The following CDS1 variants were observed in gnomAD, a reference collection of about 807,000 sequenced individuals.
CDS1 encodes the protein phosphatidate cytidylyltransferase 1.
CDS1 carries 41 observed loss-of-function variants against 62.1 expected under a neutral mutation model. The ratio of observed to expected loss-of-function variants is 0.66; its 90% CI spans 0.51 to 0.86. The LOEUF (loss-of-function observed/expected upper bound fraction) is 0.86, where lower values mean the gene tolerates loss of function less well. CDS1 is among the 40% of genes least tolerant of loss of function. CDS1 has a pLI of 0.00. For missense variants in CDS1, 470 were observed against 550.1 expected (o/e 0.85, Z 1.46); for synonymous variants, 185 against 192.6 (o/e 0.96, Z 0.32).
At chr4:84,611,852 C>T (rs944773866) in intron 3 of CDS1, among the ~76,000 whole-genome samples, 2 of 152,036 alleles carry the variant, frequency 1.3e-5, no homozygotes, top group Non-Finnish European at 2.9e-5. Flanking sequence ...GGAAGAGGCC[C>T]CCAGCTCCCA....
At chr4:84,593,164 A>C (rs545404348) in intron 1 of CDS1, among the ~76,000 whole-genome samples, 42 of 152,312 alleles carry the variant, frequency 2.8e-4, no homozygotes, top group African/African-American at 9.9e-4. Flanking sequence ...ATTCATGTAG[A>C]GTTCAATGTA....
rs1722456213 is a variant in CDS1 at position 84,587,536 on chromosome 4, A to G, written c.117+4018A>G. On this transcript the variant is annotated intron_variant, in intron 1 of 12. Transcript: ENST00000295887. Reference sequence around the variant, plus strand: ...GTCAGTGAAGCCAAGATTGAAGTGGATGACCACAGATTCAGGTCGGCAGGG... The same window carrying G: ...GTCAGTGAAGCCAAGATTGAAGTGGGTGACCACAGATTCAGGTCGGCAGGG... 3.3e-5 allele frequency among the ~76,000 whole-genome samples: 5 copies of G among 152,200 alleles called. No individual in the cohort carries two copies. In the South Asian group the frequency reaches 1.0e-3, roughly 31 times the overall value.
chr4:84,604,207 G>A (rs748168749), intron 1 of CDS1, 36 bp from the exon 2 acceptor site: 15 of 1,589,116 alleles, frequency 9.4e-6, no homozygotes, highest in African/African-American at 4.1e-5. Context: ...TTTTTTAAAC[G>A]TGATTTTGCA....
At chr4:84,608,772 G>T (rs905361758) in intron 2 of CDS1, among the ~76,000 whole-genome samples, 2 of 151,944 alleles carry the variant, frequency 1.3e-5, no homozygotes, top group Non-Finnish European at 2.9e-5. Flanking sequence ...TTTGTACCTG[G>T]CTCGTTCTTC....
intron 5 of CDS1, among the ~76,000 whole-genome samples, chr4:84,621,064 A>G (rs918688871): frequency 6.6e-5 from 10 of 152,220 alleles, no homozygotes; most frequent in Non-Finnish European, 1.5e-4. Flanking sequence ...CCATCTCAAA[A>G]AGCAAACAAA....
chr4:84,645,418 G>A, intron 12 of CDS1, 93 bp downstream of exon 12: 1 of 748,208 alleles, frequency 1.3e-6, no homozygotes, highest in South Asian at 1.6e-5. Flanking sequence ...TTCCGTCAAT[G>A]GTAATCTACA....
chr4:84,633,681 C>A (rs916768898), intron 6 of CDS1, among the ~76,000 whole-genome samples, 176 bp from the exon 7 acceptor site: 10 of 152,190 alleles, frequency 6.6e-5, no homozygotes, highest in Non-Finnish European at 1.0e-4. Context: ...TTTTAAGGTT[C>A]CAGTAGGCAA....
chr4:84,618,903 G>A (rs1224584216), intron 4 of CDS1, among the ~76,000 whole-genome samples: 2 of 152,136 alleles, frequency 1.3e-5, no homozygotes, highest in African/African-American at 4.8e-5. Flanking sequence ...TTAGAGCTGT[G>A]AGTAGTTACG....
chr4:84,633,488 G>T (rs1724086100), intron 6 of CDS1, among the ~76,000 whole-genome samples: 1 of 152,218 alleles, frequency 6.6e-6, no homozygotes, highest in African/African-American at 2.4e-5. Flanking sequence ...ACTGCAGAAT[G>T]CAGCCAGAGT....
intron 1 of CDS1, among the ~76,000 whole-genome samples, chr4:84,587,149 C>G (rs2110030677): frequency 1.3e-5 from 2 of 152,202 alleles, no homozygotes. Flanking sequence ...AGTAGGAACT[C>G]AGAACCAATG....
At chr4:84,625,217 C>T (rs1207681230) in intron 5 of CDS1, among the ~76,000 whole-genome samples, 2 of 152,042 alleles carry the variant, frequency 1.3e-5, no homozygotes, top group African/African-American at 4.8e-5. Context: ...CATGTTTTAC[C>T]ATTTCTTATT....
At chr4:84,616,948 G>A (rs1578035267) in intron 3 of CDS1, among the ~76,000 whole-genome samples, 1 of 152,296 alleles carries the variant, frequency 6.6e-6, no homozygotes, top group African/African-American at 2.4e-5. Context: ...CTGCAAATGT[G>A]GAAGGTTGCT....
chr4:84,617,459 G>A (rs964263195), intron 3 of CDS1, 105 bp from the exon 4 acceptor site: 2 of 636,354 alleles, frequency 3.1e-6, no homozygotes, highest in African/African-American at 3.8e-5. Flanking sequence ...TTAAACATTG[G>A]TAGATTAAGA....
chr4:84,633,160 A>T (rs1451482469), intron 6 of CDS1, among the ~76,000 whole-genome samples: 2 of 152,186 alleles, frequency 1.3e-5, no homozygotes, highest in African/African-American at 4.8e-5. Context: ...TCAAAATCTT[A>T]AGAATTTTTA....
chr4:84,624,331 T>C (rs1723790493), intron 5 of CDS1, among the ~76,000 whole-genome samples: 1 of 144,506 alleles, frequency 6.9e-6, no homozygotes, highest in South Asian at 2.2e-4. Context: ...AATGAAAATA[T>C]ATGCCCATGA....
Position 84,638,871 on chromosome 4 carries a change from T to TATA in CDS1, c.811-53_811-52insATA, listed in dbSNP as rs1167295964. 89 of 498,326 alleles carry TATA rather than the reference T, an allele frequency of 1.8e-4. 1 individual carries two copies. Among genetic ancestry groups the TATA allele is most frequent in the African/African-American group, 6.5e-4 (32 of 48,886 alleles). The allele number at this position is 498,326 out of a possible 1,614,324, so 30.9% of individuals were successfully genotyped here. The stretch of plus-strand genomic sequence containing the variant: ...TTTATATATATATATATATATATAT[T>TATA]GTGAGTTTTGTGAGTGCAGTAAAGC... On this transcript the variant is annotated intron_variant, in intron 8 of 12. Transcript: ENST00000295887.
chr4:84,640,713 CAA>C (rs1724352403), intron 9 of CDS1, 123 bp from the exon 10 acceptor site: 1 of 706,648 alleles, frequency 1.4e-6, no homozygotes, highest in African/African-American at 1.8e-5. Context: ...AATATTAAGA[CAA>C]AGAAATTCTG....
At chr4:84,635,621 G>GCCTGCCTGCCTGCCTT (rs1724168252) in intron 8 of CDS1, among the ~76,000 whole-genome samples, 6 of 84,842 alleles carry the variant, frequency 7.1e-5, no homozygotes, top group East Asian at 1.1e-3. Flanking sequence ...CTGCCTGCCT[G>GCCTGCCTGCCTGCCTT]CCTGCCTTCC....
chr4:84,645,218 A>G lies in CDS1; in HGVS notation c.1153-4A>G, dbSNP rs1365969681. 3 of 1,594,394 alleles carry G rather than the reference A, an allele frequency of 1.9e-6. No individual in the cohort carries two copies. In the South Asian group the frequency reaches 3.3e-5, roughly 18 times the overall value. ...TTTGCTAATATATTTGTTTGTTTCT[A>G]AAGGATTTTGCAAATACCATTCCTG... On this transcript the variant is annotated splice_polypyrimidine_tract_variant and splice_region_variant and intron_variant, in intron 11 of 12. Transcript: ENST00000295887.
Sources: gnomAD v4.1 joint callset for allele counts (sites outside exome capture counted in the v4.1 genomes callset) on GRCh38, gnomAD v4.1.1 for gene constraint, MANE v1.5 for transcripts, NCBI Gene and HGNC (gene_info 2026-07-23, HGNC 2026-07-21) for gene names.